Variants in NTAQ1 observed in about 807,000 individuals in gnomAD.
NTAQ1 encodes the protein protein N-terminal glutamine amidohydrolase.
NTAQ1 carries 21 observed loss-of-function variants against 28.2 expected under a neutral mutation model. The observed-to-expected ratio is 0.74, with a 90% CI of 0.53 to 1.07. The LOEUF is 1.07. Ranked by LOEUF, NTAQ1 falls within the 50% of genes least tolerant of loss-of-function variation. NTAQ1 has a pLI of 0.00. For missense variants in NTAQ1, 264 were observed against 256.6 expected, an observed-to-expected ratio of 1.03 and a Z score of -0.20; for synonymous variants, 105 against 90.0, an observed-to-expected ratio of 1.17 and a Z score of -0.94.
downstream of NTAQ1, among the ~76,000 whole-genome samples, chr8:123,472,241 C>T (rs1816049069): frequency 6.6e-6 from 1 of 152,168 alleles, no homozygotes. Flanking sequence ...ACCTCCTTTG[C>T]CCTTCCTCCT....
intron 1 of NTAQ1, among the ~76,000 whole-genome samples, chr8:123,422,637 C>G (rs1254952106): frequency 6.9e-6 from 1 of 144,990 alleles, no homozygotes; most frequent in Non-Finnish European, 1.5e-5. Context: ...GTGCAGAGCT[C>G]TTTAGTTTAA....
intron 6 of NTAQ1, among the ~76,000 whole-genome samples, chr8:123,459,525 T>C (rs2130417165): frequency 6.6e-6 from 1 of 152,286 alleles, no homozygotes; most frequent in South Asian, 2.1e-4. Context: ...GCTTAGTCTT[T>C]CCAGTGAGCA....
chr8:123,456,501 G>A (rs1362114434), intron 6 of NTAQ1, among the ~76,000 whole-genome samples: 1 of 152,140 alleles, frequency 6.6e-6, no homozygotes, highest in Non-Finnish European at 1.5e-5. Context: ...CTCATTGCGG[G>A]AACTAATAAT....
intron 1 of NTAQ1, among the ~76,000 whole-genome samples, chr8:123,422,539 A>G (rs1015710921): frequency 6.6e-6 from 1 of 151,176 alleles, no homozygotes; most frequent in Non-Finnish European, 1.5e-5. Flanking sequence ...GGTTTCCCAA[A>G]GTGCTGGGAT....
chr8:123,455,730 C>T (rs1244524702), intron 6 of NTAQ1, among the ~76,000 whole-genome samples: 1 of 152,086 alleles, frequency 6.6e-6, no homozygotes, highest in African/African-American at 2.4e-5. Flanking sequence ...CAGCCGAAAT[C>T]AGCATTTTAA....
intron 3 of NTAQ1, among the ~76,000 whole-genome samples, chr8:123,433,700 G>A (rs1296302548): frequency 1.3e-5 from 2 of 151,922 alleles, no homozygotes; most frequent in Admixed American, 6.6e-5. Flanking sequence ...CACCTGCCTC[G>A]GCCTCCCAAA....
intron 6 of NTAQ1, among the ~76,000 whole-genome samples, chr8:123,460,906 G>A (rs116388391): frequency 1.3e-5 from 2 of 152,290 alleles, no homozygotes; most frequent in Middle Eastern, 3.4e-3. Flanking sequence ...TTGAGGAGGC[G>A]TGCCGTCTGA....
chr8:123,432,431 G>A (rs1339972470), intron 3 of NTAQ1, among the ~76,000 whole-genome samples: 1 of 152,044 alleles, frequency 6.6e-6, no homozygotes, highest in Non-Finnish European at 1.5e-5. Flanking sequence ...CATGAGGTCA[G>A]GAGTTCGAGA....
chr8:123,426,662 C>T (rs1297741775), intron 1 of NTAQ1, among the ~76,000 whole-genome samples: 1 of 151,626 alleles, frequency 6.6e-6, no homozygotes, highest in Non-Finnish European at 1.5e-5. Context: ...GAGACCCTGT[C>T]TCTAAAAATA....
downstream of NTAQ1, among the ~76,000 whole-genome samples, chr8:123,446,717 A>G (rs1815305713): frequency 6.6e-6 from 1 of 152,226 alleles, no homozygotes; most frequent in Admixed American, 6.5e-5. Flanking sequence ...AGTCCTCACC[A>G]GACAACATAA....
intron 3 of NTAQ1, 104 bp downstream of exon 3, chr8:123,430,137 C>A: frequency 1.4e-6 from 1 of 723,104 alleles, no homozygotes; most frequent in Non-Finnish European, 2.2e-6. Context: ...TAGAGAAAGG[C>A]TATGGTAATT....
At chr8:123,429,346 A>G (rs1375639084) in intron 2 of NTAQ1, among the ~76,000 whole-genome samples, 4 of 152,198 alleles carry the variant, frequency 2.6e-5, no homozygotes, top group Non-Finnish European at 5.9e-5. Flanking sequence ...CTTCCTCTTC[A>G]TTCATTCCTT....
chr8:123,434,498 G>A (rs767398612), intron 3 of NTAQ1, among the ~76,000 whole-genome samples: 2 of 151,980 alleles, frequency 1.3e-5, no homozygotes, highest in Non-Finnish European at 2.9e-5. Flanking sequence ...GTGGTGGCGC[G>A]CCTGTAATCC....
exon 7 of NTAQ1, among the ~76,000 whole-genome samples, chr8:123,468,828 A>G (rs747071880): frequency 6.6e-6 from 1 of 152,320 alleles, no homozygotes; most frequent in African/African-American, 2.4e-5. Context: ...TTCCACAAAC[A>G]GTGCACAAGT....
At chr8:123,473,319 G>A (rs1305103617), downstream of NTAQ1, among the ~76,000 whole-genome samples, 2 of 136,184 alleles carry the variant, frequency 1.5e-5, no homozygotes, top group Non-Finnish European at 3.1e-5. Context: ...TTTTTGAGAT[G>A]GAGTCTTGCT....
At chr8:123,419,183 C>T (rs1386103959) in intron 1 of NTAQ1, among the ~76,000 whole-genome samples, 4 of 149,286 alleles carry the variant, frequency 2.7e-5, no homozygotes, top group African/African-American at 9.9e-5. Flanking sequence ...ACTGCAGCCT[C>T]CACCTCCCAG....
intron 6 of NTAQ1, among the ~76,000 whole-genome samples, chr8:123,455,771 G>T (rs2130397464): frequency 6.6e-6 from 1 of 152,194 alleles, no homozygotes; most frequent in African/African-American, 2.4e-5. Context: ...TCCCCACCCG[G>T]AAGTCTACTG....
At chr8:123,472,450 G>T (rs929990346), downstream of NTAQ1, among the ~76,000 whole-genome samples, 1 of 152,016 alleles carries the variant, frequency 6.6e-6, no homozygotes, top group Non-Finnish European at 1.5e-5. Context: ...GGTGTCACAG[G>T]GTCCATGCTC....
chr8:123,426,543 G>A (rs951297365), intron 1 of NTAQ1, among the ~76,000 whole-genome samples: 1 of 152,158 alleles, frequency 6.6e-6, no homozygotes, highest in South Asian at 2.1e-4. Flanking sequence ...GTTGGGTGTG[G>A]TGATGTGCAT....
Sources: gnomAD v4.1 joint callset for allele counts (sites outside exome capture counted in the v4.1 genomes callset) on GRCh38, gnomAD v4.1.1 for gene constraint, MANE v1.5 for transcripts, NCBI Gene and HGNC (gene_info 2026-07-23, HGNC 2026-07-21) for gene names.